The following MACF1 variants were observed in gnomAD, a reference collection of about 807,000 sequenced individuals.
The protein encoded by MACF1 is microtubule-actin cross-linking factor 1.
A neutral mutation model predicts 854.8 loss-of-function variants in MACF1; 193 were observed. The ratio of observed to expected loss-of-function variants is 0.23; its 90% confidence interval spans 0.20 to 0.25. The LOEUF is 0.25. Among genes scored for constraint, MACF1 ranks in the 10% least tolerant of loss-of-function variants. The probability of loss-of-function intolerance (pLI) is 1.00; values close to 1 mark genes in which losing one functional copy is unlikely to be tolerated. For missense variants in MACF1, 7,722 were observed against 8,929.1 expected, an observed-to-expected ratio of 0.86 and a Z score of 5.45; for synonymous variants, 3,185 against 3,226.7, an observed-to-expected ratio of 0.99 and a Z score of 0.44.
chr1:39,166,939 G>C (rs959460774), intron 2 of MACF1, among the ~76,000 whole-genome samples: 3 of 152,036 alleles, frequency 2.0e-5, no homozygotes, highest in Non-Finnish European at 4.4e-5. Context: ...GATGCAAAGA[G>C]GTGAGAGAAG....
intron 2 of MACF1, among the ~76,000 whole-genome samples, chr1:39,233,639 C>A (rs1476386615): frequency 6.6e-6 from 1 of 152,024 alleles, no homozygotes; most frequent in Non-Finnish European, 1.5e-5. Flanking sequence ...GTGGGTACTG[C>A]AGGTGAGCAT....
chr1:39,313,724 A>G (rs1383100727), intron 26 of MACF1, among the ~76,000 whole-genome samples: 1 of 152,102 alleles, frequency 6.6e-6, no homozygotes, highest in Non-Finnish European at 1.5e-5. Context: ...AGCCCCTTCA[A>G]GCTGGCTTTT....
At chr1:39,351,269 C>G (rs61779274) in intron 43 of MACF1, among the ~76,000 whole-genome samples, 24,289 of 152,170 alleles carry the variant, frequency 0.16, 2,427 homozygotes, top group Middle Eastern at 0.22. Flanking sequence ...GCCTCAGCTT[C>G]AGCCTCCCAA....
intron 2 of MACF1, among the ~76,000 whole-genome samples, chr1:39,099,020 T>A (rs1007847879): frequency 4.6e-5 from 7 of 152,186 alleles, no homozygotes; most frequent in Non-Finnish European, 1.0e-4. Flanking sequence ...CAAAGGATAA[T>A]GCTTGGGGCT....
intron 1 of MACF1, among the ~76,000 whole-genome samples, chr1:39,228,247 T>C (rs1256867922): frequency 6.6e-6 from 1 of 151,720 alleles, no homozygotes; most frequent in Non-Finnish European, 1.5e-5. Flanking sequence ...GGGGGCAGAG[T>C]TGCACTGAGC....
In MACF1 at chr1:39,310,395, C is replaced by T. The variant is rs199616867; in HGVS notation, c.3067C>T (p.Arg1023Cys). The part of the protein sequence containing the change: ...LEEEVEACKA[R>C]FQHLMKSMEN... ...AGAGGAGGTGGAAGCTTGTAAAGCC[C>T]GCTTCCAGCACCTGATGAAGTCCAT... is the stretch of plus-strand genomic sequence containing the variant. Residue 1023 changes from arginine (R) to cysteine (C), a missense_variant, in exon 25 of 101, where the codon CGC becomes TGC. Arg to Cys is a radical substitution (Grantham distance 180). Around this residue, in one of 15 missense-constraint regions of MACF1, gnomAD observed 1,137 missense variants for 1,263.0 expected, o/e 0.90. Transcript: ENST00000564288. 37 of 1,613,986 alleles carry T rather than the reference C, an allele frequency of 2.3e-5. 1 individual carries two copies. Among genetic ancestry groups the T allele is most frequent in the African/African-American group, 1.9e-4 (14 of 74,992 alleles).
chr1:39,226,493 A>G (rs973770559), intron 1 of MACF1, among the ~76,000 whole-genome samples: 4 of 152,078 alleles, frequency 2.6e-5, no homozygotes, highest in African/African-American at 9.7e-5. Flanking sequence ...GGCGTGTGCC[A>G]CCACGCCCAG....
In MACF1 at chr1:39,250,007, T is replaced by C. The variant is rs761116372; in HGVS notation, c.172-7T>C. 1 of 1,583,302 alleles carries C rather than the reference T, an allele frequency of 6.3e-7. No homozygotes were observed. The highest frequency in any genetic ancestry group is 1.1e-5 in the South Asian group (1 of 89,492). On this transcript the variant is annotated splice_region_variant and splice_polypyrimidine_tract_variant and intron_variant, in intron 2 of 100. Transcript: ENST00000564288. ...TAAAAATCTGTCTGTTTCACTCTCATTCACAGGTCCGCAAGCACATCAATG... is the reference window on the plus strand; with the variant it reads ...TAAAAATCTGTCTGTTTCACTCTCACTCACAGGTCCGCAAGCACATCAATG...
Position 39,406,756 on chromosome 1 carries a change from A to AAAAAAAAAAAAAAAAAAAAC in MACF1, c.15817-15616_15817-15615insAAAAAAAAAAAAAAAAACAA, listed in dbSNP as rs746955922. 2.2e-3 allele frequency among the ~76,000 whole-genome samples: 254 copies of AAAAAAAAAAAAAAAAAAAAC among 116,008 alleles called. 33 individuals carry two copies. Among genetic ancestry groups the AAAAAAAAAAAAAAAAAAAAC allele is most frequent in the African/African-American group, 6.1e-3 (159 of 26,048 alleles). The allele number at this position is 116,008 out of a possible 152,430, so 76.1% of individuals were successfully genotyped here. A position where few individuals can be genotyped will look rare whatever the true frequency, so the allele number is the denominator to read the frequency against. Reference sequence around the variant, plus strand: ...TCTCACTCAAAAAAAAAAAAAAAAAAAACATTCTTTATAATAGAATAACCA... The same window carrying AAAAAAAAAAAAAAAAAAAAC: ...TCTCACTCAAAAAAAAAAAAAAAAAAAAAAAAAAAAAAAAAAAAACAACATTCTTTATAATAGAATAACCA... On this transcript the variant is annotated intron_variant, in intron 58 of 100. Coordinates refer to ENST00000564288, the MANE Select transcript of MACF1 (RefSeq NM_001394062.1).
chr1:39,393,191 A>AT (rs1557627805), intron 58 of MACF1, among the ~76,000 whole-genome samples: 1,111 of 102,124 alleles, frequency 0.011, 22 homozygotes, highest in African/African-American at 0.049. Flanking sequence ...TAAAAAAAAA[A>AT]AAAAAATATA....
chr1:39,275,944 A>C (rs1049803341), intron 6 of MACF1, among the ~76,000 whole-genome samples: 1 of 149,932 alleles, frequency 6.7e-6, no homozygotes, highest in Non-Finnish European at 1.5e-5. Context: ...TTTTTGAGAA[A>C]GAATCTTGCT....
At chr1:39,308,970 A>G (rs1016828225) in intron 23 of MACF1, among the ~76,000 whole-genome samples, 1 of 152,128 alleles carries the variant, frequency 6.6e-6, no homozygotes. Flanking sequence ...ATACCAGGTG[A>G]ATTTCTTAAG....
intron 2 of MACF1, among the ~76,000 whole-genome samples, chr1:39,118,999 A>T (rs904581978): frequency 9.2e-5 from 14 of 152,166 alleles, no homozygotes; most frequent in African/African-American, 3.4e-4. Context: ...GGAAAACTAA[A>T]TGGTGATTTC....
rs1643766197 is a variant in MACF1, at chr1:39,427,558, T to C, written c.16420T>C (p.Ser5474Pro). ...TGTCACAGAGAAAAAGCTTGCTAAC[T>C]CAGAACCTGTTGGCACTCAGACTGC... ...LSVTEKKLAN[S>P]EPVGTQTAKI... is the part of the protein sequence containing the mutation. The change falls in exon 62 of 101, where the codon TCA (serine) becomes CCA (proline). Residue 5474 changes from serine to proline, a missense_variant. Ser to Pro is a moderately conservative substitution (Grantham distance 74, BLOSUM62 -1). Transcript: ENST00000564288. 1 of 1,614,122 alleles carries C rather than the reference T, an allele frequency of 6.2e-7. No homozygotes were observed. The highest frequency in any genetic ancestry group is 1.3e-5 in the African/African-American group (1 of 75,046).
chr1:39,326,700 A>AAAAAG (rs1002186426), intron 35 of MACF1, among the ~76,000 whole-genome samples: 1 of 150,220 alleles, frequency 6.7e-6, no homozygotes, highest in African/African-American at 2.5e-5. Flanking sequence ...AAAAAAAAAA[A>AAAAAG]AGAGAGAAGA....
At chr1:39,268,372 G>C in intron 6 of MACF1, 1 of 840,192 alleles carries the variant, frequency 1.2e-6, no homozygotes, top group African/African-American at 1.8e-5. Flanking sequence ...ACTGAGGGCA[G>C]TGCTCCAATT....
At chr1:39,404,658 A>G (rs1642623500) in intron 58 of MACF1, among the ~76,000 whole-genome samples, 1 of 152,046 alleles carries the variant, frequency 6.6e-6, no homozygotes, top group African/African-American at 2.4e-5. Context: ...CAATTTTTTA[A>G]CTTTTTGTAG....
At chr1:39,266,045 C>T (rs757834221) in intron 6 of MACF1, among the ~76,000 whole-genome samples, 30 of 152,172 alleles carry the variant, frequency 2.0e-4, no homozygotes, top group Non-Finnish European at 1.5e-4. Flanking sequence ...TGCTCCTTCC[C>T]TAGACCAGTT....
chr1:39,107,097 CT>C (rs1409801222), intron 2 of MACF1, among the ~76,000 whole-genome samples: 4 of 152,078 alleles, frequency 2.6e-5, no homozygotes, highest in African/African-American at 9.7e-5. Context: ...CCTTTGCAGG[CT>C]TTTGAGTAAC....
Sources: gnomAD v4.1 joint callset for allele counts (sites outside exome capture counted in the v4.1 genomes callset) on GRCh38, gnomAD v4.1.1 for gene constraint, gnomAD v4.1.1 regional missense constraint, MANE v1.5 for transcripts, NCBI Gene and HGNC (gene_info 2026-07-23, HGNC 2026-07-21) for gene names.